Variants in RPN2 observed in about 807,000 individuals in gnomAD.
RPN2 encodes the protein dolichyl-diphosphooligosaccharide--protein glycosyltransferase subunit 2.
Under a neutral mutation model 71.4 loss-of-function variants are expected in RPN2, and 29 were observed. That is an observed-to-expected ratio of 0.41 (90% CI 0.30 to 0.55). The LOEUF (loss-of-function observed/expected upper bound fraction) is 0.55, where lower values mean the gene tolerates loss of function less well. Ranked by LOEUF, RPN2 falls within the 20% of genes least tolerant of loss-of-function variation. RPN2 has a pLI of 0.35. For missense variants in RPN2, 726 were observed against 774.1 expected (o/e 0.94, Z 0.74); for synonymous variants, 308 against 305.0 (o/e 1.01, Z -0.10).
intron 10 of RPN2, 74 bp downstream of exon 10, chr20:37,224,043 C>A: frequency 7.9e-7 from 1 of 1,270,980 alleles, no homozygotes; most frequent in Non-Finnish European, 1.1e-6. Flanking sequence ...AGGCACTGAG[C>A]CCTGCAGGCA....
chr20:37,206,438 A>T (rs548547580), intron 6 of RPN2, among the ~76,000 whole-genome samples: 1 of 152,316 alleles, frequency 6.6e-6, no homozygotes, highest in East Asian at 1.9e-4. Flanking sequence ...GGAGACAAAC[A>T]GTCCTACATT....
intron 9 of RPN2, among the ~76,000 whole-genome samples, chr20:37,219,364 G>A (rs759714759): frequency 8.6e-5 from 13 of 152,026 alleles, no homozygotes; most frequent in Non-Finnish European, 1.3e-4. Flanking sequence ...TGAAAAAAAT[G>A]TTTTTGGTCT....
intron 10 of RPN2, among the ~76,000 whole-genome samples, chr20:37,224,277 T>G (rs2068026680): frequency 6.6e-6 from 1 of 152,222 alleles, no homozygotes; most frequent in Non-Finnish European, 1.5e-5. Context: ...CTAAGCATAT[T>G]ATTTAGTTCA....
chr20:37,205,456 C>G (rs547633592), intron 6 of RPN2, among the ~76,000 whole-genome samples: 7 of 152,162 alleles, frequency 4.6e-5, no homozygotes, highest in East Asian at 1.9e-4. Flanking sequence ...ATGTGGGAAG[C>G]CTTTTTGAGT....
chr20:37,185,106 T>C (rs1288757937), intron 2 of RPN2, among the ~76,000 whole-genome samples: 1 of 151,746 alleles, frequency 6.6e-6, no homozygotes, highest in Non-Finnish European at 1.5e-5. Context: ...GTGAGGAAAA[T>C]GCATTATGAT....
chr20:37,218,487 C>T (rs561391668), intron 9 of RPN2, among the ~76,000 whole-genome samples: 31 of 151,796 alleles, frequency 2.0e-4, no homozygotes, highest in Admixed American at 5.9e-4. Flanking sequence ...GTAGGTGGAT[C>T]GCCTGAGATC....
chr20:37,209,397 G>C (rs757888526), intron 7 of RPN2, among the ~76,000 whole-genome samples: 17 of 152,028 alleles, frequency 1.1e-4, no homozygotes, highest in Non-Finnish European at 2.4e-4. Context: ...GGCCTTAAGT[G>C]ATCCTCCCAT....
At chr20:37,191,635 G>T (rs532600347) in intron 2 of RPN2, among the ~76,000 whole-genome samples, 28 of 152,124 alleles carry the variant, frequency 1.8e-4, no homozygotes, top group African/African-American at 6.7e-4. Flanking sequence ...GGGCGTGGTG[G>T]CGGGTGCCTG....
chr20:37,208,816 T>C (rs1208574489), intron 7 of RPN2, among the ~76,000 whole-genome samples: 1 of 152,252 alleles, frequency 6.6e-6, no homozygotes, highest in Non-Finnish European at 1.5e-5. Flanking sequence ...ATTTTATTAA[T>C]GTCTAAGTGT....
chr20:37,222,747 C>T (rs1016731936), intron 9 of RPN2, among the ~76,000 whole-genome samples: 2 of 152,286 alleles, frequency 1.3e-5, no homozygotes, highest in Admixed American at 6.5e-5. Context: ...CACATAAAAG[C>T]GCCTTGGGTT....
At chr20:37,191,228 G>A (rs558296216) in intron 2 of RPN2, among the ~76,000 whole-genome samples, 4 of 152,324 alleles carry the variant, frequency 2.6e-5, no homozygotes, top group African/African-American at 9.6e-5. Context: ...TGTAATCTCA[G>A]CACTTTGGGA....
intron 2 of RPN2, among the ~76,000 whole-genome samples, chr20:37,184,595 A>C (rs1196436280): frequency 6.6e-6 from 1 of 152,238 alleles, no homozygotes; most frequent in Non-Finnish European, 1.5e-5. Flanking sequence ...GTTCGAGACC[A>C]GCCTGGCCAG....
chr20:37,231,729 G>GAAAA (rs1568998598), intron 13 of RPN2, among the ~76,000 whole-genome samples: 14 of 87,228 alleles, frequency 1.6e-4, no homozygotes, highest in Non-Finnish European at 2.6e-4. Context: ...AAAAGAAAAA[G>GAAAA]AAATGAGAGC....
rs1783782880 is a variant in RPN2, at chr20:37,237,359, C to G, written c.1883+650C>G. Among the ~76,000 whole-genome samples the G allele has an allele frequency of 2.0e-5, 3 of 152,258 alleles. No individual in the cohort carries two copies. In the South Asian group the frequency reaches 6.2e-4, roughly 32 times the overall value. On this transcript the variant is annotated intron_variant, in intron 16 of 16. Transcript: ENST00000237530. ...ACAAAGGTGTTTCTCATTGATTTGACTTTATTAGAACCTGAGTGATTTCAG... is the reference window on the plus strand; with the variant it reads ...ACAAAGGTGTTTCTCATTGATTTGAGTTTATTAGAACCTGAGTGATTTCAG...
At chr20:37,180,897 A>C (rs984046631) in intron 1 of RPN2, among the ~76,000 whole-genome samples, 1 of 152,178 alleles carries the variant, frequency 6.6e-6, no homozygotes, top group Non-Finnish European at 1.5e-5. Context: ...CAGTAATACC[A>C]TTAGAGTGTA....
At chr20:37,232,195 T>G in intron 13 of RPN2, 101 bp from the exon 14 acceptor site, 1 of 1,439,294 alleles carries the variant, frequency 6.9e-7, no homozygotes, top group Non-Finnish European at 9.8e-7. Context: ...GGGCGGCATA[T>G]CCTCTTCATG....
In RPN2 at chr20:37,236,504, C is replaced by G; in HGVS notation, c.1754-76C>G. 3 of 1,487,286 alleles carry G rather than the reference C, an allele frequency of 2.0e-6. No homozygotes were observed. In the South Asian group the frequency reaches 3.4e-5, roughly 17 times the overall value. 92.1% of individuals were successfully genotyped at this position (1,487,286 alleles called of 1,614,324 possible). ...AGACCTTTTCATGATCCAACAGTTG[C>G]TATGTCTAACTTTCCTCAACCGCAG... is the stretch of plus-strand genomic sequence containing the variant. On this transcript the variant is annotated intron_variant, in intron 15 of 16. Coordinates refer to ENST00000237530, the MANE Select transcript of RPN2 (RefSeq NM_002951.5).
intron 4 of RPN2, among the ~76,000 whole-genome samples, chr20:37,201,363 C>A (rs112796368): frequency 0.022 from 3,188 of 144,432 alleles, 51 homozygotes; most frequent in Middle Eastern, 0.037. Context: ...AAGCTCACTA[C>A]AACCTCAAAC....
chr20:37,190,918 AT>A (rs1417514594), intron 2 of RPN2, among the ~76,000 whole-genome samples: 37 of 152,208 alleles, frequency 2.4e-4, no homozygotes, highest in Admixed American at 2.4e-3. Flanking sequence ...ACATAAATCC[AT>A]TGAGAGATTT....
Sources: gnomAD v4.1 joint callset for allele counts (sites outside exome capture counted in the v4.1 genomes callset) on GRCh38, gnomAD v4.1.1 for gene constraint, MANE v1.5 for transcripts, NCBI Gene and HGNC (gene_info 2026-07-23, HGNC 2026-07-21) for gene names.